The following AK1 variants were observed in gnomAD, a reference collection of about 807,000 sequenced individuals.
AK1 encodes the protein adenylate kinase isoenzyme 1.
In AK1, 13 loss-of-function variants were observed where a neutral mutation model predicts 23.9. The ratio of observed to expected loss-of-function variants is 0.54; its 90% CI spans 0.35 to 0.86. The LOEUF (loss-of-function observed/expected upper bound fraction) is 0.86, where lower values mean the gene tolerates loss of function less well. Ranked by LOEUF, AK1 falls within the 40% of genes least tolerant of loss-of-function variation. The pLI, the probability that AK1 is intolerant of heterozygous loss-of-function variation, is 0.01. For synonymous variants in AK1, 97 were observed against 102.8 expected (o/e 0.94, Z 0.34); for missense variants, 214 against 255.1 (o/e 0.84, Z 1.10).
At chr9:127,870,811 ATGGGAATGGGG>A (rs1564472136) in intron 5 of AK1, among the ~76,000 whole-genome samples, 4 of 16,384 alleles carry the variant, frequency 2.4e-4, no homozygotes, top group South Asian at 1.4e-3. Flanking sequence ...GAGACGGGGC[ATGGGAATGGGG>A]CATGGGAATG....
rs1421507064 is a variant in AK1 at position 127,877,135 on chromosome 9, G to A, written c.-33+488C>T. Among the ~76,000 whole-genome samples the A allele has an allele frequency of 6.6e-6, 1 of 152,150 alleles. No individual in the cohort carries two copies. Among genetic ancestry groups the A allele is most frequent in the Non-Finnish European group, 1.5e-5 (1 of 68,014 alleles). ...TGGGAAGGCCCCAAGCGCTGGCCCT[G>A]GTCAGGAGGCTAGGGCAAGCTCTGA... On this transcript the variant is annotated intron_variant, in intron 1 of 6. Transcript: ENST00000644144. This position sits in a 1 kb window ranked among gnomAD's most constrained non-coding sequence, Gnocchi z 5.2.
intron 2 of AK1, 66 bp downstream of exon 2, chr9:127,874,545 C>A: frequency 5.6e-6 from 9 of 1,611,852 alleles, no homozygotes; most frequent in Non-Finnish European, 7.6e-6. Context: ...TCCCTGAGAG[C>A]GCACCCCCTT....
At position 127,867,973 on chromosome 9, in the gene AK1, C is replaced by A; in HGVS notation, c.*35G>T. 1 of 1,607,210 alleles carries A rather than the reference C, an allele frequency of 6.2e-7. No homozygotes were observed. ...GACCTCGAATCAGGACGGGGTGGGGCGGGGCTCTGAGCTGGGGAAGCGGCT... is the reference window on the plus strand; with the variant it reads ...GACCTCGAATCAGGACGGGGTGGGGAGGGGCTCTGAGCTGGGGAAGCGGCT... On this transcript the variant is annotated 3_prime_UTR_variant, in exon 7 of 7. Transcript: ENST00000644144.
Position 127,871,744 on chromosome 9 carries a change from C to A in AK1, c.324+79G>T. 1 of 1,179,578 alleles carries A rather than the reference C, an allele frequency of 8.5e-7. No individual in the cohort carries two copies. Among genetic ancestry groups the A allele is most frequent in the Non-Finnish European group, 1.3e-6 (1 of 795,862 alleles). 73.1% of individuals were successfully genotyped at this position (1,179,578 alleles called of 1,614,324 possible). On this transcript the variant is annotated intron_variant, in intron 5 of 6. Coordinates refer to ENST00000644144, the MANE Select transcript of AK1 (RefSeq NM_000476.3). This position sits in a 1 kb window ranked among gnomAD's most constrained non-coding sequence, Gnocchi z 4.4. ...TCAGAACTCTGACCTGCATCACAGC[C>A]CCCGCAGGCCCGCCCATGGGGATGG...
At chr9:127,874,541 A>G in intron 2 of AK1, 70 bp downstream of exon 2, 1 of 1,611,792 alleles carries the variant, frequency 6.2e-7, no homozygotes, top group Non-Finnish European at 8.5e-7. Context: ...TGTCTCCCTG[A>G]GAGCGCACCC....
rs767893823 is a variant in AK1 at position 127,871,827 on chromosome 9, C to A, written c.320G>T (p.Arg107Leu). ...CCACTTGGGTCAGTGCCTTACCCGT[C>A]GCTCAAACTCTTCTCCTTGCTGCAC... Reference protein sequence around the residue: ...REVQQGEEFERRIGQPTLLLY... With the variant: ...REVQQGEEFELRIGQPTLLLY... The change falls in exon 5 of 7, where the codon CGA becomes CTA. Residue 107 changes from arginine to leucine, a missense_variant. Physicochemically the swap from Arg to Leu is moderately radical, Grantham distance 102. Transcript: ENST00000644144. This position sits in a 1 kb window ranked among gnomAD's most constrained non-coding sequence, Gnocchi z 4.4. 2.5e-6 allele frequency: 4 copies of A among 1,614,004 alleles called. No homozygotes were observed. The highest frequency in any genetic ancestry group is 2.2e-5 in the East Asian group (1 of 44,882).
intron 5 of AK1, among the ~76,000 whole-genome samples, chr9:127,870,605 C>G (rs896640603): frequency 6.6e-6 from 1 of 152,174 alleles, no homozygotes; most frequent in African/African-American, 2.4e-5. Context: ...ACTGTGGCAC[C>G]TAACACAGGG....
In AK1 at chr9:127,867,071, C is replaced by A. The variant is rs937398300; in HGVS notation, c.*937G>T. On this transcript the variant is annotated 3_prime_UTR_variant, in exon 7 of 7. Transcript: ENST00000644144. Reference sequence around the variant, plus strand: ...TGTCACCCAGGCTGGAGTGCAGTGGCGCAATCTTGGCTCATTGCAAGCTCC... The same window carrying A: ...TGTCACCCAGGCTGGAGTGCAGTGGAGCAATCTTGGCTCATTGCAAGCTCC... The A allele has an allele frequency of 7.1e-6, 1 of 141,628 alleles. No homozygotes were observed. The highest frequency in any genetic ancestry group is 1.5e-5 in the Non-Finnish European group (1 of 66,818). The allele number at this position is 141,628 out of a possible 1,614,324, so 8.8% of individuals were successfully genotyped here.
At chr9:127,870,116 C>T (rs915322558) in intron 5 of AK1, among the ~76,000 whole-genome samples, 10 of 152,070 alleles carry the variant, frequency 6.6e-5, no homozygotes, top group Non-Finnish European at 1.5e-4. Context: ...GCTGCCCGGA[C>T]ACCTGGAGGC....
chr9:127,878,379 G>A (rs2767395), upstream of AK1: 1 of 152,254 alleles, frequency 6.6e-6, no homozygotes, highest in Non-Finnish European at 1.5e-5. Context: ...CCCATAATGA[G>A]CACTCACTGT....
Position 127,868,006 on chromosome 9 carries a change from T to C in AK1, c.*2A>G. ...TGAGCTGGGGAAGCGGCTCCAGCGT[T>C]GCTACTTTAGGGCGTCCAGGTGGGT... On this transcript the variant is annotated 3_prime_UTR_variant, in exon 7 of 7. Coordinates refer to ENST00000644144, the MANE Select transcript of AK1 (RefSeq NM_000476.3). The surrounding 1 kb of genome is among the most constrained non-coding windows in gnomAD (Gnocchi z 4.1). 5 of 1,614,168 alleles carry C rather than the reference T, an allele frequency of 3.1e-6. No individual in the cohort carries two copies. The African/African-American group carries it at 4.0e-5, about 13-fold the overall frequency.
Position 127,874,630 on chromosome 9 carries a change from C to T in AK1, c.-13G>A. ...TCATACCTTCCATCCTGCCGAGGTC[C>T]CGGGAGCCGTGTCAGTGCTCTGTAA... On this transcript the variant is annotated 5_prime_UTR_variant, in exon 2 of 7. Coordinates refer to ENST00000644144, the MANE Select transcript of AK1 (RefSeq NM_000476.3). 5 of 1,613,798 alleles carry T rather than the reference C, an allele frequency of 3.1e-6. No homozygotes were observed. Among genetic ancestry groups the T allele is most frequent in the Non-Finnish European group, 4.2e-6 (5 of 1,179,954 alleles).
chr9:127,869,898 A>G (rs1829347137), intron 5 of AK1, among the ~76,000 whole-genome samples: 1 of 152,230 alleles, frequency 6.6e-6, no homozygotes, highest in South Asian at 2.1e-4. Context: ...TAAATCTGGG[A>G]GAGCCAGCTC....
In AK1 at chr9:127,867,001, CAATTT is replaced by C. The variant is rs1829262511; in HGVS notation, c.*1002_*1006del. ...ACCCCTGACCATGACTCCCCCAATT[CAATTT>C]CTTTTTTTTTTTTTTTTTTTTTGAG... On this transcript the variant is annotated 3_prime_UTR_variant, in exon 7 of 7. Transcript: ENST00000644144. 2 of 140,434 alleles carry C rather than the reference CAATTT, an allele frequency of 1.4e-5. No individual in the cohort carries two copies. Among genetic ancestry groups the C allele is most frequent in the African/African-American group, 2.8e-5 (1 of 35,380 alleles). 8.7% of individuals were successfully genotyped at this position (140,434 alleles called of 1,614,324 possible).
At position 127,868,858 on chromosome 9, in the gene AK1, G is replaced by A. The variant is rs1012509906; in HGVS notation, c.325-346C>T. ...TCTCCCCCGAGCCTGATCCTAACTC[G>A]CCTTCACCTCAATACCAAGCATCAG... On this transcript the variant is annotated intron_variant, in intron 5 of 6. Transcript: ENST00000644144. This position sits in a 1 kb window ranked among gnomAD's most constrained non-coding sequence, Gnocchi z 4.1. 3.3e-5 allele frequency among the ~76,000 whole-genome samples: 5 copies of A among 151,986 alleles called. No individual in the cohort carries two copies. Among genetic ancestry groups the A allele is most frequent in the Non-Finnish European group, 7.4e-5 (5 of 68,000 alleles).
chr9:127,868,113 G>A lies in AK1; in HGVS notation c.517-37C>T. 6.2e-7 allele frequency: 1 copy of A among 1,607,496 alleles called. No homozygotes were observed. Among genetic ancestry groups the A allele is most frequent in the Admixed American group, 1.7e-5 (1 of 60,010 alleles). ...TGGGCCGTGAGGGCTGAGTCACCAG[G>A]TGGAGTGGGGTGGGCCTCACCATGG... On this transcript the variant is annotated intron_variant, in intron 6 of 6. Transcript: ENST00000644144. The surrounding 1 kb of genome is among the most constrained non-coding windows in gnomAD (Gnocchi z 4.1).
intron 4 of AK1, 97 bp downstream of exon 4, chr9:127,872,593 T>A: frequency 1.3e-6 from 2 of 1,546,516 alleles, no homozygotes; most frequent in Admixed American, 3.4e-5. Context: ...GCGGTTACGG[T>A]CAGCTTTGCC....
chr9:127,868,225 G>A lies in AK1; in HGVS notation c.516+96C>T, dbSNP rs1378730231. On this transcript the variant is annotated intron_variant, in intron 6 of 6. Transcript: ENST00000644144. The surrounding 1 kb of genome is among the most constrained non-coding windows in gnomAD (Gnocchi z 4.1). ...GAACCAGTGGGGAAACCAAGGCCCAGAGAGAGGGGCTGGCCTGAGGCCACA... is the reference window on the plus strand; with the variant it reads ...GAACCAGTGGGGAAACCAAGGCCCAAAGAGAGGGGCTGGCCTGAGGCCACA... 6 of 1,460,986 alleles carry A rather than the reference G, an allele frequency of 4.1e-6. No homozygotes were observed. The highest frequency in any genetic ancestry group is 5.6e-6 in the Non-Finnish European group (6 of 1,065,236). 90.5% of individuals were successfully genotyped at this position (1,460,986 alleles called of 1,614,324 possible).
At chr9:127,873,467 C>A in intron 2 of AK1, 1 of 1,490,972 alleles carries the variant, frequency 6.7e-7, no homozygotes, top group Non-Finnish European at 8.9e-7. Flanking sequence ...CCTGCCGTGT[C>A]TCCTGTGCAC....
Sources: allele counts gnomAD v4.1 joint callset (sites outside exome capture counted in the v4.1 genomes callset), GRCh38; gene constraint gnomAD v4.1.1; non-coding constraint Gnocchi (gnomAD v3.1); transcripts MANE v1.5; gene names NCBI Gene and HGNC (gene_info 2026-07-23, HGNC 2026-07-21).